RNF144A: variants seen among roughly 807,000 people sequenced by gnomAD.
RNF144A encodes the protein ring finger protein 144A.
Under a neutral mutation model 38.7 loss-of-function variants are expected in RNF144A, and 11 were observed. That is an observed-to-expected ratio of 0.28 (90% CI 0.18 to 0.47). The LOEUF is 0.47. Among genes scored for constraint, RNF144A ranks in the 20% least tolerant of loss-of-function variants. The probability of loss-of-function intolerance (pLI) is 0.99; values close to 1 mark genes in which losing one functional copy is unlikely to be tolerated. For missense variants in RNF144A, 316 were observed against 377.2 expected, an observed-to-expected ratio of 0.84 and a Z score of 1.34; for synonymous variants, 149 against 143.9, an observed-to-expected ratio of 1.04 and a Z score of -0.25.
At chr2:6,974,010 T>C (rs185969769) in intron 2 of RNF144A, among the ~76,000 whole-genome samples, 3 of 152,320 alleles carry the variant, frequency 2.0e-5, no homozygotes, top group Admixed American at 1.3e-4. Context: ...GAAGGAAAGA[T>C]GTGGAAATTA....
intron 2 of RNF144A, among the ~76,000 whole-genome samples, chr2:6,972,411 C>T (rs775422530): frequency 1.6e-4 from 25 of 152,160 alleles, no homozygotes; most frequent in Non-Finnish European, 3.2e-4. Flanking sequence ...CACATGGCTT[C>T]GTGTGTTTAT....
intron 8 of RNF144A, among the ~76,000 whole-genome samples, chr2:7,033,411 G>T (rs542881375): frequency 6.6e-6 from 1 of 152,358 alleles, no homozygotes; most frequent in African/African-American, 2.4e-5. Flanking sequence ...AAGGCCCACT[G>T]GTCTTGGAAC....
intron 5 of RNF144A, among the ~76,000 whole-genome samples, chr2:7,019,426 G>C (rs767480663): frequency 6.6e-6 from 1 of 152,224 alleles, no homozygotes; most frequent in African/African-American, 2.4e-5. Context: ...GGAGCTGCCC[G>C]GCGGCCAGTC....
rs138672878 is a variant in RNF144A, at chr2:7,055,284, T to G, written c.735-12932T>G. 3.1e-3 allele frequency among the ~76,000 whole-genome samples: 473 copies of G among 152,308 alleles called. 3 individuals carry two copies. Among genetic ancestry groups the G allele is most frequent in the Middle Eastern group, 6.8e-3 (2 of 294 alleles). ...CCCCAACCTACCCAGCTGAAACTGT[T>G]TCTCTGAGCTGCAGTTTCACACACT... On this transcript the variant is annotated intron_variant, in intron 6 of 6. Coordinates refer to the RNF144A transcript ENST00000432850.
intron 6 of RNF144A, chr2:7,063,037 G>A (rs1229039339): frequency 6.6e-6 from 1 of 152,224 alleles, no homozygotes; most frequent in East Asian, 1.9e-4. Context: ...AGGCAGGTGA[G>A]AGGCATGATC....
chr2:7,064,947 G>A (rs887021421), intron 6 of RNF144A, among the ~76,000 whole-genome samples: 2 of 152,152 alleles, frequency 1.3e-5, no homozygotes, highest in Non-Finnish European at 1.5e-5. Context: ...CTGAGAACTC[G>A]GGGCAGTAGT....
intron 2 of RNF144A, among the ~76,000 whole-genome samples, chr2:6,964,636 A>G (rs1331058464): frequency 6.6e-6 from 1 of 152,224 alleles, no homozygotes; most frequent in African/African-American, 2.4e-5. Flanking sequence ...AATACTACGC[A>G]GCCATAAAAA....
At chr2:7,008,724 C>T (rs1042984148) in intron 3 of RNF144A, among the ~76,000 whole-genome samples, 20 of 152,202 alleles carry the variant, frequency 1.3e-4, no homozygotes, top group Non-Finnish European at 2.4e-4. Context: ...GTCTCTTCCT[C>T]GTATAAGGAG....
At chr2:6,969,478 A>T (rs1572294395) in intron 2 of RNF144A, among the ~76,000 whole-genome samples, 1 of 152,130 alleles carries the variant, frequency 6.6e-6, no homozygotes, top group Middle Eastern at 3.2e-3. Flanking sequence ...CCCTGCCCAC[A>T]CCCTGCTCAT....
downstream of RNF144A, among the ~76,000 whole-genome samples, chr2:7,073,099 T>C (rs117379362): frequency 1.2e-3 from 176 of 152,330 alleles, 3 homozygotes; most frequent in East Asian, 0.032. Flanking sequence ...ACCGGACAAC[T>C]TTGAGTTCCC....
intron 2 of RNF144A, among the ~76,000 whole-genome samples, chr2:6,948,208 G>T (rs1218775649): frequency 6.6e-6 from 1 of 152,206 alleles, no homozygotes; most frequent in African/African-American, 2.4e-5. Flanking sequence ...CTCTGATGGT[G>T]CTGCAGGGCT....
rs574342468 is a variant in RNF144A at position 7,039,978 on chromosome 2, C to T, written c.*218C>T. On this transcript the variant is annotated 3_prime_UTR_variant, in exon 9 of 9. Transcript: ENST00000320892. ...AGGGGAGGCAGGTGTGGGTAGCGCACATCCCCACAGATCAATCTCTGCAGA... is the reference window on the plus strand; with the variant it reads ...AGGGGAGGCAGGTGTGGGTAGCGCATATCCCCACAGATCAATCTCTGCAGA... The T allele has an allele frequency of 2.2e-6, 3 of 1,356,474 alleles. No individual in the cohort carries two copies. Among genetic ancestry groups the T allele is most frequent in the South Asian group, 1.6e-5 (1 of 61,120 alleles). 84.0% of individuals were successfully genotyped at this position (1,356,474 alleles called of 1,614,324 possible). A position where few individuals can be genotyped will look rare whatever the true frequency, so the allele number is the denominator to read the frequency against.
intron 3 of RNF144A, among the ~76,000 whole-genome samples, chr2:7,013,324 G>A (rs1421450818): frequency 6.6e-6 from 1 of 152,150 alleles, no homozygotes; most frequent in Non-Finnish European, 1.5e-5. Flanking sequence ...AGAAGGAATT[G>A]CAGTTGAATT....
chr2:7,060,659 C>A (rs1455002364), intron 6 of RNF144A, among the ~76,000 whole-genome samples: 1 of 152,148 alleles, frequency 6.6e-6, no homozygotes, highest in Non-Finnish European at 1.5e-5. Flanking sequence ...TCGTTGTCAC[C>A]CTTGGTTTCC....
chr2:7,001,249 G>C (rs1217659654), intron 3 of RNF144A, among the ~76,000 whole-genome samples: 1 of 151,678 alleles, frequency 6.6e-6, no homozygotes, highest in Non-Finnish European at 1.5e-5. Context: ...GCAGTGAGCT[G>C]AGATCGCGCC....
chr2:6,949,895 TA>T (rs1666569000), intron 2 of RNF144A, among the ~76,000 whole-genome samples: 1 of 152,204 alleles, frequency 6.6e-6, no homozygotes, highest in African/African-American at 2.4e-5. Context: ...AGTAAAAATT[TA>T]AATTCTGTAC....
Position 7,042,630 on chromosome 2 carries a change from CTCAG to C in RNF144A, c.*2873_*2876del, listed in dbSNP as rs1558459958. The C allele has an allele frequency of 1.0e-6, 1 of 985,420 alleles. No individual in the cohort carries two copies. The allele number at this position is 985,420 out of a possible 1,614,324, so 61.0% of individuals were successfully genotyped here. Reference sequence around the variant, plus strand: ...AGGTTTTGCTGGAAATGCCTGACCTCTCAGTCTGGCTCTGCTGTGTAGTCCATAG... The same window carrying C: ...AGGTTTTGCTGGAAATGCCTGACCTCTCTGGCTCTGCTGTGTAGTCCATAG... On this transcript the variant is annotated 3_prime_UTR_variant, in exon 9 of 9. Coordinates refer to ENST00000320892, the MANE Select transcript of RNF144A (RefSeq NM_014746.6).
intron 1 of RNF144A, among the ~76,000 whole-genome samples, chr2:6,937,746 TGATGTTTG>T (rs1435208287): frequency 6.6e-6 from 1 of 151,870 alleles, no homozygotes; most frequent in Non-Finnish European, 1.5e-5. Context: ...CACGGCCAGG[TGATGTTTG>T]GAGGCTGGGT....
At chr2:6,920,365 G>T (rs143536261) in intron 1 of RNF144A, among the ~76,000 whole-genome samples, 5 of 152,338 alleles carry the variant, frequency 3.3e-5, no homozygotes, top group African/African-American at 1.2e-4. Context: ...GGAGGGGTCA[G>T]GTAGCCCAGG....
Sources: allele counts gnomAD v4.1 joint callset (sites outside exome capture counted in the v4.1 genomes callset), GRCh38; gene constraint gnomAD v4.1.1; transcripts MANE v1.5; gene names NCBI Gene and HGNC (gene_info 2026-07-23, HGNC 2026-07-21).